The following CLN6 variants were observed in gnomAD, a reference collection of about 807,000 sequenced individuals.
CLN6 encodes CLN6 transmembrane ER protein.
CLN6 carries 22 observed loss-of-function variants against 33.3 expected under a neutral mutation model. That is an observed-to-expected ratio of 0.66 (90% CI 0.47 to 0.94). CLN6 has a LOEUF of 0.94. Ranked by LOEUF, CLN6 falls within the 40% of genes least tolerant of loss-of-function variation. The pLI, the probability that CLN6 is intolerant of heterozygous loss-of-function variation, is 0.00. For synonymous variants in CLN6, 201 were observed against 174.6 expected, an observed-to-expected ratio of 1.15 and a Z score of -1.19; for missense variants, 387 against 417.1, an observed-to-expected ratio of 0.93 and a Z score of 0.63.
chr15:68,218,812 C>G (rs747172127), intron 1 of CLN6, among the ~76,000 whole-genome samples, 162 bp from the exon 2 acceptor site: 10 of 152,094 alleles, frequency 6.6e-5, no homozygotes, highest in Middle Eastern at 3.4e-3. Flanking sequence ...GGGGTCTGGC[C>G]CTGTGGTCAA....
chr15:68,222,139 G>A (rs1595823244), intron 1 of CLN6, among the ~76,000 whole-genome samples: 1 of 132,828 alleles, frequency 7.5e-6, no homozygotes, highest in South Asian at 2.6e-4. Flanking sequence ...CTGCCCGGCC[G>A]CCCCGTCTGG....
At position 68,220,618 on chromosome 15, in the gene CLN6, G is replaced by C. The variant is rs903675406; in HGVS notation, c.84-1968C>G. ...GGTAAGAATGAAGTAGCCTCGCAGA[G>C]AGGATCAGGGAAAGGGGGAGAAAAA... is the stretch of plus-strand genomic sequence containing the variant. On this transcript the variant is annotated intron_variant, in intron 1 of 6. Transcript: ENST00000249806. The surrounding 1 kb of genome is among the most constrained non-coding windows in gnomAD (Gnocchi z 4.2). 1.2e-4 allele frequency among the ~76,000 whole-genome samples: 18 copies of C among 152,244 alleles called. No homozygotes were observed. The highest frequency in any genetic ancestry group is 4.3e-4 in the African/African-American group (18 of 41,464).
intron 1 of CLN6, among the ~76,000 whole-genome samples, chr15:68,255,574 G>A (rs1468207322): frequency 6.6e-6 from 1 of 152,170 alleles, no homozygotes; most frequent in Non-Finnish European, 1.5e-5. Flanking sequence ...TTTTATAGTG[G>A]CTTTCTGATT....
intron 1 of CLN6, among the ~76,000 whole-genome samples, chr15:68,254,158 C>G (rs1299899434): frequency 6.6e-6 from 1 of 152,162 alleles, no homozygotes; most frequent in Non-Finnish European, 1.5e-5. Flanking sequence ...GGATTACAGG[C>G]GTGAGCCACC....
At chr15:68,223,037 C>T (rs1349042017) in intron 1 of CLN6, among the ~76,000 whole-genome samples, 2 of 152,028 alleles carry the variant, frequency 1.3e-5, no homozygotes, top group African/African-American at 2.4e-5. Flanking sequence ...CCTTTGTTCA[C>T]GTGTTTATCT....
At chr15:68,253,245 T>C (rs1166414166) in intron 1 of CLN6, among the ~76,000 whole-genome samples, 4 of 152,202 alleles carry the variant, frequency 2.6e-5, no homozygotes, top group Non-Finnish European at 2.9e-5. Context: ...GTGCTCAGAG[T>C]GTTTAAATGC....
intron 1 of CLN6, among the ~76,000 whole-genome samples, chr15:68,239,523 T>C (rs1224274070): frequency 6.6e-6 from 1 of 152,148 alleles, no homozygotes; most frequent in African/African-American, 2.4e-5. Context: ...AAATAAGGAC[T>C]TTATACAATG....
chr15:68,249,384 C>T (rs1354950801), intron 1 of CLN6, among the ~76,000 whole-genome samples: 1 of 152,232 alleles, frequency 6.6e-6, no homozygotes, highest in Non-Finnish European at 1.5e-5. Flanking sequence ...ATGTTTGCTG[C>T]AGCACTATTC....
chr15:68,231,346 G>T (rs2093268307), upstream of CLN6, among the ~76,000 whole-genome samples: 1 of 152,184 alleles, frequency 6.6e-6, no homozygotes, highest in Admixed American at 6.5e-5. Context: ...CAGGTCGTAA[G>T]GAGAACAGGT....
intron 3 of CLN6, 186 bp downstream of exon 3, chr15:68,214,104 C>T (rs1370442436): frequency 1.7e-6 from 1 of 586,510 alleles, no homozygotes; most frequent in African/African-American, 1.9e-5. Context: ...TTCCATCCCT[C>T]CAGGCCACCG....
At chr15:68,233,313 G>A (rs1806607061), upstream of CLN6, among the ~76,000 whole-genome samples, 1 of 143,676 alleles carries the variant, frequency 7.0e-6, no homozygotes, top group Non-Finnish European at 1.5e-5. The surrounding 1 kb of genome is among the most constrained non-coding windows in gnomAD (Gnocchi z 4.3). Flanking sequence ...GGGGGTGGGG[G>A]GGGTGGTGCC....
In CLN6 at chr15:68,211,382, G is replaced by T. The variant is rs1446851244; in HGVS notation, c.487-64C>A. 3.8e-6 allele frequency: 6 copies of T among 1,588,008 alleles called. No individual in the cohort carries two copies. Among genetic ancestry groups the T allele is most frequent in the East Asian group, 2.2e-5 (1 of 44,736 alleles). ...GATGTCAGTCCAGGGAGGTGCTGGGGCCCCAAGCATCCCCTCTGACCACCC... is the reference window on the plus strand; with the variant it reads ...GATGTCAGTCCAGGGAGGTGCTGGGTCCCCAAGCATCCCCTCTGACCACCC... On this transcript the variant is annotated intron_variant, in intron 4 of 6. Coordinates refer to ENST00000249806, the MANE Select transcript of CLN6 (RefSeq NM_017882.3). This position sits in a 1 kb window ranked among gnomAD's most constrained non-coding sequence, Gnocchi z 5.9.
chr15:68,219,864 C>T lies in CLN6; in HGVS notation c.84-1214G>A, dbSNP rs2093230809. Among the ~76,000 whole-genome samples, 1 of 152,214 alleles carries T rather than the reference C, an allele frequency of 6.6e-6. No individual in the cohort carries two copies. The highest frequency in any genetic ancestry group is 2.4e-5 in the African/African-American group (1 of 41,440). On this transcript the variant is annotated intron_variant, in intron 1 of 6. Coordinates refer to ENST00000249806, the MANE Select transcript of CLN6 (RefSeq NM_017882.3). This position sits in a 1 kb window ranked among gnomAD's most constrained non-coding sequence, Gnocchi z 4.2. ...TTCATCGTCTCGTTTGTGCCAAGAA[C>T]AGGCGCCATGGACCACAAATCTGTA... is the stretch of plus-strand genomic sequence containing the variant.
Position 68,236,206 on chromosome 15 carries a change from C to T in CLN6, c.180-17556G>A, listed in dbSNP as rs1567103460. 6.6e-6 allele frequency among the ~76,000 whole-genome samples: 1 copy of T among 152,132 alleles called. No homozygotes were observed. The highest frequency in any genetic ancestry group is 1.5e-5 in the Non-Finnish European group (1 of 68,022). On this transcript the variant is annotated intron_variant, in intron 1 of 6. Coordinates refer to the CLN6 transcript ENST00000538696. The surrounding 1 kb of genome is among the most constrained non-coding windows in gnomAD (Gnocchi z 4.5). ...TTTGGAAAATAGTCCAGCAGGTCCT[C>T]AAACTGTTAAATACAGAGTTAGTAC...
In CLN6 at chr15:68,209,950, C is replaced by G. The variant is rs898003448; in HGVS notation, c.543-191G>C. Among the ~76,000 whole-genome samples the G allele has an allele frequency of 2.0e-5, 3 of 152,134 alleles. No individual in the cohort carries two copies. The highest frequency in any genetic ancestry group is 7.2e-5 in the African/African-American group (3 of 41,416). ...GTCAAAGGTGGGACAGAAACAGAAA[C>G]AGGAAGGCAACGCACGTGTGAGTCA... On this transcript the variant is annotated intron_variant, in intron 5 of 6. Transcript: ENST00000249806. This position sits in a 1 kb window ranked among gnomAD's most constrained non-coding sequence, Gnocchi z 4.9.
intron 1 of CLN6, among the ~76,000 whole-genome samples, chr15:68,248,801 G>A (rs1468400544): frequency 2.6e-5 from 4 of 152,020 alleles, no homozygotes; most frequent in African/African-American, 4.8e-5. Flanking sequence ...ATAGACAAAC[G>A]GGATTACATC....
At chr15:68,212,546 A>T (rs989505800) in intron 3 of CLN6, 34 of 152,580 alleles carry the variant, frequency 2.2e-4, no homozygotes, top group African/African-American at 8.0e-4. Flanking sequence ...CATGAAATTC[A>T]TTTCTTTCAT....
chr15:68,256,957 C>A lies in CLN6; in HGVS notation c.-89G>T. 1 of 591,744 alleles carries A rather than the reference C, an allele frequency of 1.7e-6. No individual in the cohort carries two copies. Among genetic ancestry groups the A allele is most frequent in the South Asian group, 2.0e-5 (1 of 49,876 alleles). The allele number at this position is 591,744 out of a possible 1,614,324, so 36.7% of individuals were successfully genotyped here. A position where few individuals can be genotyped will look rare whatever the true frequency, so the allele number is the denominator to read the frequency against. ...TCGTGGGGCAGGGTGTAGTGATGGT[C>A]ACGCATCCCTTCCCTGGGCTTCTCC... is the stretch of plus-strand genomic sequence containing the variant. On this transcript the variant is annotated 5_prime_UTR_variant, in exon 1 of 7. Transcript: ENST00000538696. The surrounding 1 kb of genome is among the most constrained non-coding windows in gnomAD (Gnocchi z 4.1).
chr15:68,229,832 T>A (rs567196193), upstream of CLN6: 1 of 254,290 alleles, frequency 3.9e-6, no homozygotes, highest in East Asian at 1.1e-4. Flanking sequence ...GGCCGGGCGC[T>A]GCGAGTGTGG....
Sources: gnomAD v4.1 joint callset for allele counts (sites outside exome capture counted in the v4.1 genomes callset) on GRCh38, gnomAD v4.1.1 for gene constraint, Gnocchi (gnomAD v3.1) non-coding constraint, MANE v1.5 for transcripts, NCBI Gene and HGNC (gene_info 2026-07-23, HGNC 2026-07-21) for gene names.